PIK3R1: variants seen among roughly 807,000 people sequenced by gnomAD.
The protein encoded by PIK3R1 is phosphoinositide-3-kinase regulatory subunit 1.
In PIK3R1, 29 loss-of-function variants were observed where a neutral mutation model predicts 98.0. The ratio of observed to expected loss-of-function variants is 0.30; its 90% CI spans 0.22 to 0.40. The LOEUF is 0.40. Among genes scored for constraint, PIK3R1 ranks in the 10% least tolerant of loss-of-function variants. The probability of loss-of-function intolerance (pLI) is 1.00; values close to 1 mark genes in which losing one functional copy is unlikely to be tolerated. For missense variants in PIK3R1, 596 were observed against 872.7 expected, an observed-to-expected ratio of 0.68 and a Z score of 3.99; for synonymous variants, 282 against 311.8, an observed-to-expected ratio of 0.90 and a Z score of 1.01.
In PIK3R1 at chr5:68,215,775, G is replaced by C. The variant is rs1743833884; in HGVS notation, c.-561G>C. 6.5e-6 allele frequency: 1 copy of C among 152,948 alleles called. No homozygotes were observed. The highest frequency in any genetic ancestry group is 1.9e-4 in the South Asian group (1 of 5,278). 9.5% of individuals were successfully genotyped at this position (152,948 alleles called of 1,614,324 possible). A position where few individuals can be genotyped will look rare whatever the true frequency, so the allele number is the denominator to read the frequency against. ...AGAGGAGTCGCCAGCAGCTGGAGCG[G>C]AGTTGGAGGAAGCAGCGGCAGCGGC... On this transcript the variant is annotated 5_prime_UTR_variant, in exon 1 of 16. Transcript: ENST00000521381.
At chr5:68,218,312 T>C (rs1743974162) in intron 1 of PIK3R1, among the ~76,000 whole-genome samples, 1 of 152,212 alleles carries the variant, frequency 6.6e-6, no homozygotes, top group African/African-American at 2.4e-5. Flanking sequence ...CTACTCAAAC[T>C]AACCCAAATT....
At chr5:68,262,217 C>T (rs958655093) in intron 2 of PIK3R1, among the ~76,000 whole-genome samples, 2 of 151,656 alleles carry the variant, frequency 1.3e-5, no homozygotes, top group Non-Finnish European at 2.9e-5. Context: ...TTTTAGTTTG[C>T]CCCTTCCTTT....
At chr5:68,281,669 GGT>G (rs1746845188) in intron 7 of PIK3R1, among the ~76,000 whole-genome samples, 1 of 152,136 alleles carries the variant, frequency 6.6e-6, no homozygotes, top group South Asian at 2.1e-4. Flanking sequence ...AATCGACACT[GGT>G]CATTTAGAAT....
At chr5:68,262,730 T>C (rs1156561180) in intron 2 of PIK3R1, among the ~76,000 whole-genome samples, 5 of 139,886 alleles carry the variant, frequency 3.6e-5, no homozygotes, top group Admixed American at 1.4e-4. Context: ...TATACATATA[T>C]ACATGTAGAT....
intron 1 of PIK3R1, among the ~76,000 whole-genome samples, chr5:68,219,181 T>C (rs1156536236): frequency 1.3e-5 from 2 of 152,254 alleles, no homozygotes; most frequent in Non-Finnish European, 2.9e-5. Context: ...GCTAGAGTGA[T>C]TGTAGTATAG....
At chr5:68,288,668 A>G (rs1580255000) in intron 7 of PIK3R1, 1 of 1,608,848 alleles carries the variant, frequency 6.2e-7, no homozygotes, top group South Asian at 1.1e-5. Context: ...CACTTGGTGG[A>G]AGAACAGCTT....
intron 4 of PIK3R1, among the ~76,000 whole-genome samples, chr5:68,279,352 G>T (rs1356424068): frequency 1.3e-5 from 2 of 152,136 alleles, no homozygotes; most frequent in African/African-American, 4.8e-5. Context: ...TGGGCAGGGG[G>T]TCAGGCATCC....
chr5:68,274,785 A>G (rs4976156), intron 4 of PIK3R1, among the ~76,000 whole-genome samples: 31,136 of 152,150 alleles, frequency 0.2, 3,283 homozygotes, highest in African/African-American at 0.22. Context: ...GAAAAACTAC[A>G]AATCAATTTA....
In PIK3R1 at chr5:68,290,850, T is replaced by C. The variant is rs574737509; in HGVS notation, c.917-1409T>C. On this transcript the variant is annotated intron_variant, in intron 7 of 15. Coordinates refer to ENST00000521381, the MANE Select transcript of PIK3R1 (RefSeq NM_181523.3). The stretch of plus-strand genomic sequence containing the variant: ...GACCCACCAGGTAATACTGCAGTAT[T>C]ATTGTAGAGAGTTAGTTAATTTCGT... The C allele has an allele frequency of 1.9e-6, 3 of 1,538,726 alleles. No homozygotes were observed. In the East Asian group the frequency reaches 6.8e-5, roughly 35 times the overall value.
chr5:68,218,693 A>G (rs1381927685), intron 1 of PIK3R1, among the ~76,000 whole-genome samples: 4 of 152,224 alleles, frequency 2.6e-5, no homozygotes, highest in Non-Finnish European at 5.9e-5. Flanking sequence ...CAAGGCATAC[A>G]CAATGCAAAA....
At chr5:68,262,652 T>C (rs201225731) in intron 2 of PIK3R1, among the ~76,000 whole-genome samples, 2 of 37,600 alleles carry the variant, frequency 5.3e-5, no homozygotes. Flanking sequence ...TACACATGTA[T>C]CTGCATGTAT....
rs770442624 is a variant in PIK3R1, at chr5:68,279,728, C to T, written c.629C>T (p.Ala210Val). The T allele has an allele frequency of 6.2e-7, 1 of 1,614,084 alleles. No homozygotes were observed. The highest frequency in any genetic ancestry group is 1.7e-5 in the Admixed American group (1 of 60,006). Reference sequence around the variant, plus strand: ...GTTTACAGTGAAATGATTTCTTTAGCTCCAGGTTTGTTTTTTCTCTTCTGG... The same window carrying T: ...GTTTACAGTGAAATGATTTCTTTAGTTCCAGGTTTGTTTTTTCTCTTCTGG... The part of the protein sequence containing the change: ...AAVYSEMISL[A>V]PEVQSSEEYI... Residue 210 changes from alanine to valine, a missense_variant, in exon 5 of 16, where the codon GCT becomes GTT. This residue lies in a region of PIK3R1 where 352 missense variants were observed against 393.3 expected (regional missense o/e 0.90). Transcript: ENST00000521381.
intron 4 of PIK3R1, among the ~76,000 whole-genome samples, chr5:68,279,005 G>A (rs1386393067): frequency 1.3e-5 from 2 of 152,152 alleles, no homozygotes; most frequent in Admixed American, 6.5e-5. Context: ...AAGCATGTTT[G>A]GTTTCCCCTG....
chr5:68,272,010 A>G (rs1746380746), intron 2 of PIK3R1, among the ~76,000 whole-genome samples: 1 of 152,020 alleles, frequency 6.6e-6, no homozygotes, highest in South Asian at 2.1e-4. Context: ...CAGCATTTTG[A>G]GAGATTGAGG....
chr5:68,251,351 A>G (rs533343539), intron 2 of PIK3R1, among the ~76,000 whole-genome samples: 56 of 152,150 alleles, frequency 3.7e-4, no homozygotes, highest in African/African-American at 1.1e-3. Flanking sequence ...AGTTCAGAAG[A>G]TGGAAGATAT....
chr5:68,255,842 A>C (rs1745493373), intron 2 of PIK3R1, among the ~76,000 whole-genome samples: 1 of 152,190 alleles, frequency 6.6e-6, no homozygotes, highest in African/African-American at 2.4e-5. Flanking sequence ...AGTGGTGATT[A>C]TTTGGGGCTT....
chr5:68,217,653 T>TGTGTGTGTGTGCGC (rs1386976488), intron 1 of PIK3R1: 12 of 149,394 alleles, frequency 8.0e-5, no homozygotes, highest in African/African-American at 3.0e-4. Context: ...TGTGTGTGTG[T>TGTGTGTGTGTGCGC]GCGCGCGCGT....
Position 68,296,174 on chromosome 5 carries a change from A to G in PIK3R1, c.1818A>G (p.Gln606=), listed in dbSNP as rs1747702222. 1.2e-6 allele frequency: 2 copies of G among 1,613,982 alleles called. No homozygotes were observed. The highest frequency in any genetic ancestry group is 8.5e-7 in the Non-Finnish European group (1 of 1,179,984). Residue 606 remains glutamine (Q), a synonymous_variant, in exon 15 of 16, where the codon CAA becomes CAG. Coordinates refer to ENST00000521381, the MANE Select transcript of PIK3R1 (RefSeq NM_181523.3). ...EWLGNENTED[Q]YSLVEDDEDL... Reference sequence around the variant, plus strand: ...ACTTTCTGTCCTGCCTGCCTAGCCAATATTCACTGGTGGAAGATGATGAAG... The same window carrying G: ...ACTTTCTGTCCTGCCTGCCTAGCCAGTATTCACTGGTGGAAGATGATGAAG...
At chr5:68,242,712 T>C (rs1744915043) in intron 2 of PIK3R1, among the ~76,000 whole-genome samples, 1 of 152,206 alleles carries the variant, frequency 6.6e-6, no homozygotes, top group African/African-American at 2.4e-5. Context: ...GGCCTGTCCA[T>C]GAACTGAGCC....
Sources: gnomAD v4.1 joint callset for allele counts (sites outside exome capture counted in the v4.1 genomes callset) on GRCh38, gnomAD v4.1.1 for gene constraint, gnomAD v4.1.1 regional missense constraint, MANE v1.5 for transcripts, NCBI Gene and HGNC (gene_info 2026-07-23, HGNC 2026-07-21) for gene names.